Variants in FOCAD observed in about 807,000 individuals in gnomAD.
FOCAD encodes KIAA1797.
In FOCAD, 198 loss-of-function variants were observed where a neutral mutation model predicts 225.6. The observed-to-expected ratio is 0.88, with a 90% CI of 0.78 to 0.99. FOCAD has a LOEUF of 0.99. FOCAD is among the 50% of genes least tolerant of loss of function. FOCAD has a pLI of 0.00. For synonymous variants in FOCAD, 897 were observed against 755.0 expected, an observed-to-expected ratio of 1.19 and a Z score of -3.08; for missense variants, 2,713 against 2,123.6, an observed-to-expected ratio of 1.28 and a Z score of -5.46.
At chr9:20,770,982 T>G (rs932822042) in intron 8 of FOCAD, among the ~76,000 whole-genome samples, 61 of 152,140 alleles carry the variant, frequency 4.0e-4, no homozygotes, top group African/African-American at 1.4e-3. Context: ...TGCAAATAAC[T>G]AAATTATAGT....
At chr9:20,977,268 A>G (rs1007601748) in intron 36 of FOCAD, among the ~76,000 whole-genome samples, 3 of 152,232 alleles carry the variant, frequency 2.0e-5, no homozygotes, top group Non-Finnish European at 2.9e-5. Flanking sequence ...TAATCTCTCC[A>G]TCTCAAAATC....
rs1840694393 is a variant in FOCAD at position 20,981,486 on chromosome 9, G to T, written c.4438G>T (p.Glu1480Ter). 5 of 1,614,068 alleles carry T rather than the reference G, an allele frequency of 3.1e-6. No individual in the cohort carries two copies. Among genetic ancestry groups the T allele is most frequent in the Non-Finnish European group, 4.2e-6 (5 of 1,179,978 alleles). Reference protein sequence around the residue: ...APLWIKHISDEQILGFVENLM... With the variant: ...APLWIKHISD ...TCTGTGGATAAAACACATCTCTGAT[G>T]AACAGATCCTGGGTTTTGTTGAAAA... The change falls in exon 38 of 44, where the codon GAA (glutamate) becomes TAA (stop). Residue 1480 changes from glutamate to a stop codon, truncating the protein, a stop_gained. Coordinates refer to ENST00000338382, the MANE Select transcript of FOCAD (RefSeq NM_001375567.1). LOFTEE classifies it high-confidence loss of function.
At chr9:20,866,132 T>A (rs1356289970) in intron 17 of FOCAD, among the ~76,000 whole-genome samples, 156 bp downstream of exon 17, 2 of 152,092 alleles carry the variant, frequency 1.3e-5, no homozygotes, top group Non-Finnish European at 2.9e-5. Context: ...GTTTTGGTTT[T>A]AAAAATTATG....
At chr9:20,961,858 G>A (rs1336282296) in intron 35 of FOCAD, among the ~76,000 whole-genome samples, 1 of 152,130 alleles carries the variant, frequency 6.6e-6, no homozygotes, top group African/African-American at 2.4e-5. Context: ...GAGGCCTTGG[G>A]ATATTTTTGC....
At chr9:20,859,150 G>T (rs1564080192) in intron 15 of FOCAD, among the ~76,000 whole-genome samples, 1 of 152,092 alleles carries the variant, frequency 6.6e-6, no homozygotes, top group African/African-American at 2.4e-5. Context: ...CGACGTGGGT[G>T]GGTCACCTGA....
chr9:20,868,442 T>G (rs1337888252), intron 18 of FOCAD, among the ~76,000 whole-genome samples: 4 of 152,104 alleles, frequency 2.6e-5, no homozygotes, highest in African/African-American at 9.7e-5. Context: ...TTTTTCTGAT[T>G]TTGGATTTAT....
At chr9:20,847,632 A>G (rs1160051584) in intron 15 of FOCAD, among the ~76,000 whole-genome samples, 1 of 152,046 alleles carries the variant, frequency 6.6e-6, no homozygotes, top group Non-Finnish European at 1.5e-5. Flanking sequence ...ATTCTTGGCA[A>G]TAAGAGTACA....
At chr9:20,895,824 C>G (rs1006587513) in intron 21 of FOCAD, among the ~76,000 whole-genome samples, 2 of 151,794 alleles carry the variant, frequency 1.3e-5, no homozygotes, top group African/African-American at 2.4e-5. Flanking sequence ...CAAGCAAAGA[C>G]AATTTTCTTT....
rs952025010 is a variant in FOCAD, at chr9:20,927,534, A to G, written c.3078+1117A>G. ...AAAGTAATGTTGTTGATCATTTAAA[A>G]AAAAAAGCCACCTGTTACCCATCCT... On this transcript the variant is annotated intron_variant, in intron 26 of 43. Transcript: ENST00000338382. 5.9e-5 allele frequency among the ~76,000 whole-genome samples: 9 copies of G among 152,228 alleles called. No homozygotes were observed. The East Asian group carries it at 1.7e-3, about 29-fold the overall frequency.
chr9:20,864,073 T>C (rs992657053), intron 16 of FOCAD, among the ~76,000 whole-genome samples: 2 of 152,044 alleles, frequency 1.3e-5, no homozygotes, highest in Non-Finnish European at 2.9e-5. Flanking sequence ...GGGAGTCTCT[T>C]CAGTGAACAT....
intron 4 of FOCAD, 55 bp downstream of exon 4, chr9:20,720,589 T>A (rs574943528): frequency 2.1e-5 from 33 of 1,570,266 alleles, no homozygotes; most frequent in Non-Finnish European, 2.7e-5. Flanking sequence ...AGGAAAAAAA[T>A]TCACTAAATC....
At chr9:20,945,781 C>T (rs1837113332) in intron 29 of FOCAD, among the ~76,000 whole-genome samples, 1 of 151,854 alleles carries the variant, frequency 6.6e-6, no homozygotes, top group East Asian at 1.9e-4. Flanking sequence ...TTTTTCTCCC[C>T]TCTGATGTTT....
chr9:20,712,397 C>T lies in FOCAD; in HGVS notation c.-32-2925C>T, dbSNP rs532066067. On this transcript the variant is annotated intron_variant, in intron 1 of 43. Coordinates refer to ENST00000338382, the MANE Select transcript of FOCAD (RefSeq NM_001375567.1). ...TGCTCAAGCTGGGCATGGTGGCTCA[C>T]GCCTGTAATCCTAGCACTTTGGGAG... is the stretch of plus-strand genomic sequence containing the variant. 1.8e-3 allele frequency among the ~76,000 whole-genome samples: 271 copies of T among 152,280 alleles called. 5 individuals carry two copies. Among genetic ancestry groups the T allele is most frequent in the Non-Finnish European group, 4.3e-4 (29 of 68,026 alleles).
intron 28 of FOCAD, among the ~76,000 whole-genome samples, chr9:20,936,807 A>G (rs574828846): frequency 6.6e-6 from 1 of 152,252 alleles, no homozygotes; most frequent in Non-Finnish European, 1.5e-5. Context: ...TGTAGATGGC[A>G]TGATTGTATA....
At chr9:20,703,950 CCCCCAAAGGGGGCT>C (rs1444394897) in intron 1 of FOCAD, among the ~76,000 whole-genome samples, 2 of 152,224 alleles carry the variant, frequency 1.3e-5, no homozygotes, top group African/African-American at 4.8e-5. Context: ...CTCCCTTTAG[CCCCCAAAGGGGGCT>C]CCCCAAAGCA....
intron 21 of FOCAD, among the ~76,000 whole-genome samples, chr9:20,900,617 A>G (rs971590417): frequency 2.0e-5 from 3 of 151,964 alleles, no homozygotes; most frequent in Admixed American, 6.6e-5. Context: ...CATCTGTGCA[A>G]TATGAAACAA....
chr9:20,769,874 T>C (rs1456119696), intron 7 of FOCAD, among the ~76,000 whole-genome samples, 158 bp from the exon 8 acceptor site: 5 of 152,238 alleles, frequency 3.3e-5, no homozygotes, highest in African/African-American at 7.2e-5. Context: ...TGCAGTTGTA[T>C]AGTTAATCCT....
intron 15 of FOCAD, among the ~76,000 whole-genome samples, chr9:20,855,794 CT>C (rs369187873): frequency 0.056 from 7,363 of 131,762 alleles, 230 homozygotes; most frequent in African/African-American, 0.082. Context: ...CCCCTATATT[CT>C]TTTTTTTTTT....
chr9:20,901,965 T>A lies in FOCAD; in HGVS notation c.2626-5185T>A, dbSNP rs60701978. The stretch of plus-strand genomic sequence containing the variant: ...GTGCCTATTTAAAAAAAGTTTTAAA[T>A]TTTGTGTTTCCAGAATGATCACAAC... On this transcript the variant is annotated intron_variant, in intron 21 of 43. Coordinates refer to ENST00000338382, the MANE Select transcript of FOCAD (RefSeq NM_001375567.1). Among the ~76,000 whole-genome samples, 21 of 152,070 alleles carry A rather than the reference T, an allele frequency of 1.4e-4. No individual in the cohort carries two copies. The East Asian group carries it at 4.1e-3, about 30-fold the overall frequency.
Sources: gnomAD v4.1 joint callset for allele counts (sites outside exome capture counted in the v4.1 genomes callset) on GRCh38, gnomAD v4.1.1 for gene constraint, MANE v1.5 for transcripts, NCBI Gene and HGNC (gene_info 2026-07-23, HGNC 2026-07-21) for gene names.